ATAD3A: variants seen among roughly 807,000 people sequenced by gnomAD.
The protein encoded by ATAD3A is ATPase family AAA domain containing 3A.
Under a neutral mutation model 73.8 loss-of-function variants are expected in ATAD3A, and 46 were observed. The ratio of observed to expected loss-of-function variants is 0.62; its 90% CI spans 0.49 to 0.80. The LOEUF (loss-of-function observed/expected upper bound fraction) is 0.80, where lower values mean the gene tolerates loss of function less well. ATAD3A is among the 30% of genes least tolerant of loss of function. The pLI is 0.00. For missense variants in ATAD3A, 705 were observed against 838.0 expected, an observed-to-expected ratio of 0.84 and a Z score of 1.96; for synonymous variants, 319 against 350.0, an observed-to-expected ratio of 0.91 and a Z score of 0.99.
Position 1,529,282 on chromosome 1 carries a change from C to T in ATAD3A, c.1565C>T (p.Thr522Met), listed in dbSNP as rs774605685. 4 of 1,607,542 alleles carry T rather than the reference C, an allele frequency of 2.5e-6. No individual in the cohort carries two copies. The highest frequency in any genetic ancestry group is 2.2e-5 in the South Asian group (2 of 90,046). ...AAGTGCTCGGAGGTCGCTCGGCTGA[C>T]GGAGGGCATGTCGGGCCGGGAGATC... ...GRKCSEVARL[T>M]EGMSGREIAQ... Residue 522 changes from threonine (T) to methionine (M), a missense_variant, in exon 15 of 16, where the codon ACG (threonine) becomes ATG (methionine). By Grantham distance (81) the Thr-to-Met change is moderately conservative. Coordinates refer to ENST00000378756, the MANE Select transcript of ATAD3A (RefSeq NM_001170535.3).
At chr1:1,515,200 C>CA (rs1491551902) in intron 1 of ATAD3A, among the ~76,000 whole-genome samples, 2 of 152,202 alleles carry the variant, frequency 1.3e-5, no homozygotes, top group Non-Finnish European at 2.9e-5. Context: ...ACCTCAGCCT[C>CA]AGAGTAGCTG....
intron 15 of ATAD3A, among the ~76,000 whole-genome samples, chr1:1,531,703 G>A (rs1265973343): frequency 1.3e-5 from 2 of 151,686 alleles, no homozygotes; most frequent in African/African-American, 2.4e-5. Context: ...GCATGAACCC[G>A]GGAGGCAGAG....
chr1:1,517,070 G>C, intron 2 of ATAD3A: 3 of 1,508,008 alleles, frequency 2.0e-6, no homozygotes, highest in Non-Finnish European at 2.7e-6. Context: ...TCCAAAAGGG[G>C]GTGTCCGGCC....
chr1:1,534,060 C>CG lies in ATAD3A; in HGVS notation c.1749_1750insG (p.Ser584ValfsTer31). On this transcript the variant is annotated frameshift_variant, in exon 16 of 16. Coordinates refer to ENST00000378756, the MANE Select transcript of ATAD3A (RefSeq NM_001170535.3). LOFTEE classifies it high-confidence loss of function. ...AAGGGCCTGGGCGTGGGGACGAGCC[C>CG]TCCCCATCCTGAGTCCACAGGGAGA... 1 of 1,613,350 alleles carries CG rather than the reference C, an allele frequency of 6.2e-7. No individual in the cohort carries two copies. The highest frequency in any genetic ancestry group is 8.5e-7 in the Non-Finnish European group (1 of 1,179,824).
intron 11 of ATAD3A, 86 bp downstream of exon 11, chr1:1,524,483 G>A: frequency 6.1e-6 from 8 of 1,305,256 alleles, no homozygotes; most frequent in African/African-American, 3.3e-5. Context: ...TGTCTCTTGG[G>A]GACCCTGTCT....
Position 1,534,469 on chromosome 1 carries a change from A to G in ATAD3A, c.*397A>G. 8.9e-7 allele frequency: 1 copy of G among 1,121,082 alleles called. No homozygotes were observed. Among genetic ancestry groups the G allele is most frequent in the Non-Finnish European group, 1.1e-6 (1 of 876,790 alleles). 69.4% of individuals were successfully genotyped at this position (1,121,082 alleles called of 1,614,324 possible). On this transcript the variant is annotated 3_prime_UTR_variant, in exon 16 of 16. Coordinates refer to ENST00000378756, the MANE Select transcript of ATAD3A (RefSeq NM_001170535.3). ...TCGGCTCCCACAGCAGAGCCAGGTG[A>G]GGGGGCGCCTGCCAGGGCCAGACCC...
chr1:1,514,905 C>G (rs1166838091), intron 1 of ATAD3A, among the ~76,000 whole-genome samples: 1 of 152,106 alleles, frequency 6.6e-6, no homozygotes, highest in Non-Finnish European at 1.5e-5. Context: ...ATGGAGTTGC[C>G]GTCCGTCGCC....
intron 7 of ATAD3A, among the ~76,000 whole-genome samples, chr1:1,522,178 T>A (rs1185369741): frequency 6.6e-6 from 1 of 152,178 alleles, no homozygotes; most frequent in Non-Finnish European, 1.5e-5. Context: ...TAGATGGGAT[T>A]ACAGGCATGT....
chr1:1,525,015 CG>C (rs912017758), intron 11 of ATAD3A, among the ~76,000 whole-genome samples: 5 of 152,186 alleles, frequency 3.3e-5, no homozygotes, highest in African/African-American at 7.2e-5. Context: ...TCGTCGCCCC[CG>C]TGTGTGGTTG....
Position 1,524,282 on chromosome 1 carries a change from C to T in ATAD3A, c.1099C>T (p.Leu367=). The change falls in exon 11 of 16, where the codon CTG becomes TTG. Residue 367 remains leucine, a synonymous_variant. Transcript: ENST00000378756. ...CACTCTTCCTGTCCAGAAACTCGCC[C>T]TGCACTCAGGCATGGACTACGCCAT... ...GKTLFAKKLA[L]HSGMDYAIMT... The T allele has an allele frequency of 6.2e-7, 1 of 1,613,928 alleles. No individual in the cohort carries two copies. Among genetic ancestry groups the T allele is most frequent in the Non-Finnish European group, 8.5e-7 (1 of 1,179,842 alleles).
rs755953936 is a variant in ATAD3A, at chr1:1,516,030, T to G, written c.224T>G (p.Leu75Arg). The change falls in exon 2 of 16, where the codon CTG becomes CGG. Residue 75 changes from leucine (L) to arginine (R), a missense_variant. Coordinates refer to ENST00000378756, the MANE Select transcript of ATAD3A (RefSeq NM_001170535.3). ...LEHSRYAKDA[L>R]NLAQMQEQTL... ...TCTGCAGGTTATGCCAAGGACGCCC[T>G]GAATCTGGCACAGATGCAGGAGCAG... 6.2e-7 allele frequency: 1 copy of G among 1,613,954 alleles called. No homozygotes were observed. Among genetic ancestry groups the G allele is most frequent in the African/African-American group, 1.3e-5 (1 of 74,940 alleles).
intron 15 of ATAD3A, among the ~76,000 whole-genome samples, chr1:1,530,473 G>A (rs1641995624): frequency 6.6e-6 from 1 of 152,142 alleles, no homozygotes; most frequent in African/African-American, 2.4e-5. Flanking sequence ...GGTGGAGGCT[G>A]CAGTGAGCTG....
At chr1:1,515,593 A>G (rs1641329283) in intron 1 of ATAD3A, among the ~76,000 whole-genome samples, 1 of 152,196 alleles carries the variant, frequency 6.6e-6, no homozygotes, top group Non-Finnish European at 1.5e-5. Flanking sequence ...CTGGTATCCT[A>G]TTCTTATTCA....
At chr1:1,530,874 G>A (rs537183718) in intron 15 of ATAD3A, among the ~76,000 whole-genome samples, 15 of 146,470 alleles carry the variant, frequency 1.0e-4, no homozygotes, top group Admixed American at 1.4e-4. Context: ...AATTTGGAAC[G>A]AGTGCGGTGG....
intron 7 of ATAD3A, among the ~76,000 whole-genome samples, chr1:1,522,002 T>C (rs1252353807): frequency 6.6e-6 from 1 of 152,206 alleles, no homozygotes; most frequent in Non-Finnish European, 1.5e-5. Context: ...GTGCTGGGAT[T>C]ACACGGGTGA....
rs199974462 is a variant in ATAD3A at position 1,522,803 on chromosome 1, C to T, written c.810C>T (p.Val270=). 8.6e-5 allele frequency: 138 copies of T among 1,611,120 alleles called. No homozygotes were observed. The highest frequency in any genetic ancestry group is 1.9e-4 in the Middle Eastern group (1 of 5,298). The stretch of plus-strand genomic sequence containing the variant: ...ACTCAGCCAAGAATGCCACGCTTGT[C>T]GCCGGCCGCTTCATCGAGGCTCGGC... ...GVYSAKNATL[V]AGRFIEARLG... Residue 270 remains valine (V), a synonymous_variant, in exon 8 of 16, where the codon GTC becomes GTT. Coordinates refer to ENST00000378756, the MANE Select transcript of ATAD3A (RefSeq NM_001170535.3).
intron 7 of ATAD3A, 102 bp from the exon 8 acceptor site, chr1:1,522,642 C>T: frequency 6.4e-7 from 1 of 1,563,760 alleles, no homozygotes; most frequent in Admixed American, 1.8e-5. Flanking sequence ...CCCTGTGCTT[C>T]TCCCTCGGGC....
In ATAD3A at chr1:1,523,536, C is replaced by T. The variant is rs767934619; in HGVS notation, c.932C>T (p.Pro311Leu). The change falls in exon 9 of 16, where the codon CCC becomes CTC. Residue 311 changes from proline (P) to leucine (L), a missense_variant. Pro to Leu is a moderately conservative substitution (Grantham distance 98). Coordinates refer to ENST00000378756, the MANE Select transcript of ATAD3A (RefSeq NM_001170535.3). The surrounding 1 kb of genome is among the most constrained non-coding windows in gnomAD (Gnocchi z 5.1). ...GTCAGCCGGCGGCTCCTCAGTCGAC[C>T]CCAGGACGCGCTGGAGGGTGTTGTG... ...IQVSRRLLSRPQDALEGVVLS... is the reference protein window; with the variant it reads ...IQVSRRLLSRLQDALEGVVLS... 6.2e-7 allele frequency: 1 copy of T among 1,612,926 alleles called. No individual in the cohort carries two copies. Among genetic ancestry groups the T allele is most frequent in the Non-Finnish European group, 8.5e-7 (1 of 1,179,652 alleles).
intron 13 of ATAD3A, 149 bp downstream of exon 13, chr1:1,526,680 C>G: frequency 2.0e-6 from 3 of 1,505,478 alleles, no homozygotes; most frequent in Non-Finnish European, 1.8e-6. Flanking sequence ...CCCCTGGGAA[C>G]GGCCCAGCTC....
Sources: gnomAD v4.1 joint callset for allele counts (sites outside exome capture counted in the v4.1 genomes callset) on GRCh38, gnomAD v4.1.1 for gene constraint, Gnocchi (gnomAD v3.1) non-coding constraint, MANE v1.5 for transcripts, NCBI Gene and HGNC (gene_info 2026-07-23, HGNC 2026-07-21) for gene names.